Variants in C12orf42 observed in about 807,000 individuals in gnomAD.
C12orf42 encodes the protein chromosome 12 open reading frame 42, also known as uncharacterized protein C12orf42.
A neutral mutation model predicts 21.6 loss-of-function variants in C12orf42; 25 were observed. That is an observed-to-expected ratio of 1.16 (90% CI 0.84 to 1.62). C12orf42 has a LOEUF of 1.62. Among genes scored for constraint, C12orf42 ranks in the 40% most tolerant of loss-of-function variants. C12orf42 has a pLI of 0.00. For missense variants in C12orf42, 483 were observed against 459.3 expected, an observed-to-expected ratio of 1.05 and a Z score of -0.47; for synonymous variants, 174 against 175.0, an observed-to-expected ratio of 0.99 and a Z score of 0.05.
the C12orf42 span, among the ~76,000 whole-genome samples, chr12:103,173,917 TACAGG>T: frequency 2.0e-5 from 3 of 152,288 alleles, no homozygotes; most frequent in African/African-American, 7.2e-5. Flanking sequence ...TGGATTTAAA[TACAGG>T]ACATCTTATC....
At chr12:103,227,095 T>G in the C12orf42 span, among the ~76,000 whole-genome samples, 1 of 151,830 alleles carries the variant, frequency 6.6e-6, no homozygotes. Flanking sequence ...GTTGAAGAGG[T>G]TTTAAGTTTT....
At chr12:103,375,089 C>G (rs529254017) in intron 3 of C12orf42, among the ~76,000 whole-genome samples, 64 of 152,284 alleles carry the variant, frequency 4.2e-4, no homozygotes, top group Non-Finnish European at 7.6e-4. Context: ...GACTCTCTCT[C>G]TATTTGCACT....
chr12:103,295,328 A>G (rs2037182908), intron 4 of C12orf42, among the ~76,000 whole-genome samples: 1 of 152,178 alleles, frequency 6.6e-6, no homozygotes, highest in Non-Finnish European at 1.5e-5. Context: ...GGAGGATACC[A>G]CATGGCATCG....
At chr12:103,439,230 T>G (rs1180264664) in intron 2 of C12orf42, among the ~76,000 whole-genome samples, 10 of 151,556 alleles carry the variant, frequency 6.6e-5, no homozygotes, top group African/African-American at 2.4e-4. Context: ...ACTGGATCCC[T>G]TCCTTACACC....
At chr12:103,513,288 T>C in the C12orf42 span, among the ~76,000 whole-genome samples, 1 of 152,060 alleles carries the variant, frequency 6.6e-6, no homozygotes, top group Admixed American at 6.6e-5. Flanking sequence ...GGAGAACCTA[T>C]AGCTCTATTT....
the C12orf42 span, among the ~76,000 whole-genome samples, chr12:103,184,716 C>CGA: frequency 2.3e-4 from 14 of 61,252 alleles, 1 homozygote; most frequent in African/African-American, 5.6e-4. Context: ...TTGTCACCCC[C>CGA]CCCCCCCCAA....
chr12:103,501,821 A>G, the C12orf42 span, among the ~76,000 whole-genome samples: 7 of 152,178 alleles, frequency 4.6e-5, no homozygotes, highest in Non-Finnish European at 8.8e-5. Context: ...CACAAGCCAA[A>G]TTCAGCCCAC....
the C12orf42 span, among the ~76,000 whole-genome samples, chr12:103,200,637 A>G: frequency 6.6e-6 from 1 of 152,208 alleles, no homozygotes; most frequent in African/African-American, 2.4e-5. Context: ...AATTTGAAAA[A>G]AAGAATGAAA....
chr12:103,192,281 G>A, the C12orf42 span, among the ~76,000 whole-genome samples: 15 of 152,082 alleles, frequency 9.9e-5, no homozygotes, highest in Admixed American at 3.9e-4. Flanking sequence ...GAGGTGGGCC[G>A]ATCATGAGGT....
chr12:103,441,031 A>G (rs1951203669), intron 2 of C12orf42, among the ~76,000 whole-genome samples: 1 of 152,160 alleles, frequency 6.6e-6, no homozygotes. Flanking sequence ...ACTACTTTTC[A>G]TTTACCTAGC....
At chr12:103,436,463 G>A (rs1257569283) in intron 2 of C12orf42, among the ~76,000 whole-genome samples, 1 of 151,910 alleles carries the variant, frequency 6.6e-6, no homozygotes, top group Non-Finnish European at 1.5e-5. Flanking sequence ...TGGCAAATTG[G>A]ATAAAGAGTC....
chr12:103,196,558 C>T, the C12orf42 span, among the ~76,000 whole-genome samples: 20 of 152,144 alleles, frequency 1.3e-4, no homozygotes, highest in African/African-American at 4.6e-4. Flanking sequence ...ACTCTTATAT[C>T]GCTTTGTGGG....
At chr12:103,216,375 C>CT in the C12orf42 span, among the ~76,000 whole-genome samples, 3,883 of 143,304 alleles carry the variant, frequency 0.027, 54 homozygotes, top group Admixed American at 0.046. Context: ...ACTTTTTTTT[C>CT]TTTTTTTTTT....
At chr12:103,536,019 G>A in the C12orf42 span, among the ~76,000 whole-genome samples, 2 of 152,240 alleles carry the variant, frequency 1.3e-5, no homozygotes, top group South Asian at 2.1e-4. Flanking sequence ...GGCAGCAAGC[G>A]GTCCTCCTGC....
At chr12:103,358,956 G>A (rs1481229858) in intron 4 of C12orf42, among the ~76,000 whole-genome samples, 1 of 151,990 alleles carries the variant, frequency 6.6e-6, no homozygotes, top group Admixed American at 6.6e-5. Context: ...ACTCCCCATT[G>A]TAACCTAGAA....
the C12orf42 span, among the ~76,000 whole-genome samples, chr12:103,064,791 T>C: frequency 3.3e-5 from 5 of 152,222 alleles, no homozygotes; most frequent in Non-Finnish European, 7.3e-5. Flanking sequence ...GAACACTGGC[T>C]CTGAGCTGAT....
chr12:103,254,265 T>C (rs1022683641), intron 10 of C12orf42, among the ~76,000 whole-genome samples: 8 of 152,198 alleles, frequency 5.3e-5, no homozygotes, highest in African/African-American at 1.9e-4. Context: ...TTTGTCAGGT[T>C]AGTCAAAGAT....
intron 4 of C12orf42, among the ~76,000 whole-genome samples, chr12:103,318,829 C>T (rs768348068): frequency 7.3e-6 from 1 of 137,396 alleles, no homozygotes; most frequent in Non-Finnish European, 1.5e-5. Context: ...AGGAATTGTA[C>T]TCACACAATT....
intron 2 of C12orf42, among the ~76,000 whole-genome samples, chr12:103,448,633 C>A (rs1565845699): frequency 6.6e-6 from 1 of 151,802 alleles, no homozygotes. Flanking sequence ...ACGACATGAA[C>A]AGACAGTTCT....
Sources: allele counts gnomAD v4.1 joint callset (sites outside exome capture counted in the v4.1 genomes callset), GRCh38; gene constraint gnomAD v4.1.1; transcripts MANE v1.5; gene names NCBI Gene and HGNC (gene_info 2026-07-23, HGNC 2026-07-21).